TRPM7: variants seen among roughly 807,000 people sequenced by gnomAD.
TRPM7 encodes the protein LTRPC ion channel family member 7.
In TRPM7, 134 loss-of-function variants were observed where a neutral mutation model predicts 229.7. That is an observed-to-expected ratio of 0.58 (90% CI 0.51 to 0.67). The LOEUF is 0.67. Among genes scored for constraint, TRPM7 ranks in the 30% least tolerant of loss-of-function variants. The pLI, the probability that TRPM7 is intolerant of heterozygous loss-of-function variation, is 0.00. For missense variants in TRPM7, 1,901 were observed against 2,210.0 expected (o/e 0.86, Z 2.80); for synonymous variants, 699 against 715.2 (o/e 0.98, Z 0.36).
At chr15:50,632,244 G>A (rs2060759935) in intron 9 of TRPM7, among the ~76,000 whole-genome samples, 1 of 151,616 alleles carries the variant, frequency 6.6e-6, no homozygotes, top group South Asian at 2.1e-4. Flanking sequence ...AGTGAGCTGA[G>A]ATTGCACCAC....
chr15:50,674,097 T>C (rs2062046062), intron 1 of TRPM7, among the ~76,000 whole-genome samples: 1 of 152,212 alleles, frequency 6.6e-6, no homozygotes, highest in African/African-American at 2.4e-5. Context: ...CAAGCGATTC[T>C]CCTGTCTCAG....
At position 50,592,335 on chromosome 15, in the gene TRPM7, G is replaced by C. The variant is rs774234392; in HGVS notation, c.3900C>G (p.Ser1300=). The C allele has an allele frequency of 1.2e-5, 19 of 1,613,862 alleles. No individual in the cohort carries two copies. The South Asian group carries it at 2.0e-4, about 17-fold the overall frequency. Residue 1300 remains serine, a synonymous_variant, in exon 26 of 39, where the codon TCC becomes TCG. Transcript: ENST00000646667. ...KKHGVVNTLS[S]SLPQGDLESN... Reference sequence around the variant, plus strand: ...TTTCAAGATCACCTTGAGGAAGAGAGGAGCTAAGTGTATTTACAACACCAT... The same window carrying C: ...TTTCAAGATCACCTTGAGGAAGAGACGAGCTAAGTGTATTTACAACACCAT...
chr15:50,638,683 T>C (rs1042469757), intron 6 of TRPM7, among the ~76,000 whole-genome samples: 1 of 147,668 alleles, frequency 6.8e-6, no homozygotes, highest in African/African-American at 2.7e-5. Flanking sequence ...ATTGTATGTA[T>C]GTATGTATGT....
intron 11 of TRPM7, among the ~76,000 whole-genome samples, chr15:50,626,563 A>C (rs920158115): frequency 6.6e-6 from 1 of 152,344 alleles, no homozygotes; most frequent in South Asian, 2.1e-4. Context: ...AATAGGTAAC[A>C]CTATGCAGAA....
chr15:50,627,840 A>AGGTCT (rs1425281028), intron 11 of TRPM7, among the ~76,000 whole-genome samples: 1 of 152,200 alleles, frequency 6.6e-6, no homozygotes, highest in Non-Finnish European at 1.5e-5. Flanking sequence ...GGAAGACTAA[A>AGGTCT]AAAGGAATAG....
At chr15:50,624,964 T>A (rs1371063718) in intron 11 of TRPM7, among the ~76,000 whole-genome samples, 1 of 152,218 alleles carries the variant, frequency 6.6e-6, no homozygotes, top group Non-Finnish European at 1.5e-5. Flanking sequence ...AGAAATCACT[T>A]GACAGCAATA....
chr15:50,663,382 TCCCA>T (rs1567109320), intron 1 of TRPM7, among the ~76,000 whole-genome samples: 1 of 152,202 alleles, frequency 6.6e-6, no homozygotes. Flanking sequence ...TGCCTCGGCC[TCCCA>T]AAGTGGTGGG....
In TRPM7 at chr15:50,559,536, A is replaced by C. The variant is rs145977975; in HGVS notation, c.*2142T>G. The C allele has an allele frequency of 2.7e-4, 38 of 140,846 alleles. No homozygotes were observed. The highest frequency in any genetic ancestry group is 1.0e-3 in the African/African-American group (37 of 35,564). The allele number at this position is 140,846 out of a possible 1,614,324, so 8.7% of individuals were successfully genotyped here. Reference sequence around the variant, plus strand: ...CAAAACAAAACAAAACAAAACAAAAACAGTATAGATGAAAGGCAGCCAGCC... The same window carrying C: ...CAAAACAAAACAAAACAAAACAAAACCAGTATAGATGAAAGGCAGCCAGCC... On this transcript the variant is annotated 3_prime_UTR_variant, in exon 39 of 39. Coordinates refer to ENST00000646667, the MANE Select transcript of TRPM7 (RefSeq NM_017672.6).
chr15:50,569,999 G>C lies in TRPM7; in HGVS notation c.5361-6C>G. 5 of 1,600,014 alleles carry C rather than the reference G, an allele frequency of 3.1e-6. No individual in the cohort carries two copies. Among genetic ancestry groups the C allele is most frequent in the Non-Finnish European group, 4.3e-6 (5 of 1,174,502 alleles). ...CAAAAACCATATCACAGGATCTGTA[G>C]AATTGGTAATTTTAAAAAAAACAAC... On this transcript the variant is annotated splice_region_variant and splice_polypyrimidine_tract_variant and intron_variant, in intron 37 of 38. Coordinates refer to ENST00000646667, the MANE Select transcript of TRPM7 (RefSeq NM_017672.6).
Position 50,613,725 on chromosome 15 carries a change from T to C in TRPM7, c.1752A>G (p.Ala584=), listed in dbSNP as rs1371728763. The C allele has an allele frequency of 6.2e-7, 1 of 1,607,660 alleles. No homozygotes were observed. The highest frequency in any genetic ancestry group is 1.3e-5 in the African/African-American group (1 of 74,634). The change falls in exon 15 of 39, where the codon GCA becomes GCG. Residue 584 remains alanine, a synonymous_variant. Coordinates refer to ENST00000646667, the MANE Select transcript of TRPM7 (RefSeq NM_017672.6). ...KMRHNHFIKT[A]QPYRPKIDTV... ...AATTTACCTTTGGTCGGTAGGGCTG[T>C]GCTGTCTTAATGAAATGGTTATGCC...
chr15:50,679,511 A>ATT (rs2062184777), intron 1 of TRPM7, among the ~76,000 whole-genome samples: 2 of 75,458 alleles, frequency 2.7e-5, no homozygotes, highest in Admixed American at 1.8e-4. Context: ...GTATATATAT[A>ATT]ATATATATAT....
intron 21 of TRPM7, chr15:50,603,982 G>A (rs1387988516): frequency 1.3e-5 from 2 of 152,172 alleles, no homozygotes; most frequent in East Asian, 3.8e-4. Context: ...TCTCTGAATA[G>A]TGATTTGTCT....
chr15:50,613,662 G>T, intron 15 of TRPM7, 45 bp downstream of exon 15: 1 of 1,445,248 alleles, frequency 6.9e-7, no homozygotes, highest in South Asian at 1.5e-5. Context: ...AATTTAGAAA[G>T]AAGAAAATAA....
intron 36 of TRPM7, among the ~76,000 whole-genome samples, chr15:50,570,362 T>C (rs2053817474): frequency 6.6e-6 from 1 of 152,168 alleles, no homozygotes; most frequent in Admixed American, 6.5e-5. Context: ...GAGAGGCATA[T>C]CTCCTTGTAA....
intron 29 of TRPM7, among the ~76,000 whole-genome samples, chr15:50,581,515 AAT>A (rs1306976028): frequency 1.3e-5 from 2 of 151,428 alleles, no homozygotes; most frequent in African/African-American, 4.8e-5. Context: ...AAAAATAATA[AAT>A]ATATATATGT....
At chr15:50,660,985 T>G (rs1237109097) in intron 2 of TRPM7, among the ~76,000 whole-genome samples, 4 of 152,070 alleles carry the variant, frequency 2.6e-5, no homozygotes, top group African/African-American at 9.7e-5. Flanking sequence ...TTCCTTTTTT[T>G]TTTTTTTGAG....
intron 32 of TRPM7, 27 bp downstream of exon 32, chr15:50,575,842 T>C (rs777054030): frequency 2.5e-6 from 4 of 1,611,690 alleles, no homozygotes; most frequent in African/African-American, 1.3e-5. Context: ...CAAAATGCTA[T>C]TAAATTTTGT....
At chr15:50,635,963 T>C (rs187081551) in intron 7 of TRPM7, among the ~76,000 whole-genome samples, 2 of 151,000 alleles carry the variant, frequency 1.3e-5, no homozygotes, top group Admixed American at 1.3e-4. Context: ...AGGGCGACAG[T>C]GCGAGACTCC....
At chr15:50,615,273 T>C (rs760469507) in intron 13 of TRPM7, among the ~76,000 whole-genome samples, 7 of 151,632 alleles carry the variant, frequency 4.6e-5, no homozygotes, top group Non-Finnish European at 1.0e-4. Context: ...GGAAAAATAA[T>C]GCTGTATTAT....
Sources: allele counts gnomAD v4.1 joint callset (sites outside exome capture counted in the v4.1 genomes callset), GRCh38; gene constraint gnomAD v4.1.1; transcripts MANE v1.5; gene names NCBI Gene and HGNC (gene_info 2026-07-23, HGNC 2026-07-21).